The following RGS3 variants were observed in gnomAD, a reference collection of about 807,000 sequenced individuals.
RGS3 encodes regulator of G-protein signalling 3.
Under a neutral mutation model 132.6 loss-of-function variants are expected in RGS3, and 80 were observed. That is an observed-to-expected ratio of 0.60 (90% CI 0.50 to 0.73). The LOEUF (loss-of-function observed/expected upper bound fraction) is 0.73, where lower values mean the gene tolerates loss of function less well. Ranked by LOEUF, RGS3 falls within the 30% of genes least tolerant of loss-of-function variation. RGS3 has a pLI of 0.00. For synonymous variants in RGS3, 598 were observed against 620.6 expected (o/e 0.96, Z 0.54); for missense variants, 1,382 against 1,530.8 (o/e 0.90, Z 1.62).
intron 19 of RGS3, among the ~76,000 whole-genome samples, chr9:113,550,970 A>G (rs1033735267): frequency 3.3e-5 from 5 of 152,198 alleles, no homozygotes; most frequent in African/African-American, 1.2e-4. Flanking sequence ...TTTTATTGAG[A>G]TTTAATTCAA....
intron 19 of RGS3, among the ~76,000 whole-genome samples, chr9:113,553,439 T>A (rs1564562002): frequency 2.5e-4 from 1 of 4,078 alleles, no homozygotes; most frequent in Non-Finnish European, 3.6e-4. Context: ...GGAAACTCTG[T>A]TTAAAAAAAA....
intron 1 of RGS3, among the ~76,000 whole-genome samples, chr9:113,453,119 T>TATATGATTATATAATATACTC (rs1564437622): frequency 1.5e-5 from 2 of 132,694 alleles, no homozygotes; most frequent in African/African-American, 5.7e-5. Context: ...ACATACTCAT[T>TATATGATTATATAATATACTC]ATATGATTAT....
At chr9:113,566,549 C>G (rs927915830) in intron 19 of RGS3, among the ~76,000 whole-genome samples, 2 of 152,186 alleles carry the variant, frequency 1.3e-5, no homozygotes, top group African/African-American at 4.8e-5. Flanking sequence ...AGCAGCAGGT[C>G]TGTGGCTGAG....
At chr9:113,497,227 T>A (rs1830716259) in intron 8 of RGS3, 87 bp from the exon 7 acceptor site, 1 of 1,039,044 alleles carries the variant, frequency 9.6e-7, no homozygotes, top group Non-Finnish European at 1.5e-6. Context: ...GGGTGTCCAG[T>A]GGCTACTTTT....
rs887523251 is a variant in RGS3, at chr9:113,595,345, G to A, written c.3245-254G>A. The A allele has an allele frequency of 1.3e-5, 7 of 556,852 alleles. No individual in the cohort carries two copies. The African/African-American group carries it at 1.3e-4, about 10-fold the overall frequency. 34.5% of individuals were successfully genotyped at this position (556,852 alleles called of 1,614,324 possible). ...TCCCATCGGCTCCTCCCAGGGCTCC[G>A]GGAGACAGAATCGATAGTCCCCATT... is the stretch of plus-strand genomic sequence containing the variant. On this transcript the variant is annotated intron_variant, in intron 23 of 24. Coordinates refer to ENST00000350696, the Ensembl canonical transcript of RGS3.
chr9:113,536,956 G>A lies in RGS3; in HGVS notation c.2037+38G>A, dbSNP rs200408115. ...ACAGTGGCTGTGGCCTGGCTGCCTC[G>A]TTTCCCCTCAGCCAGCCTAGACCCT... On this transcript the variant is annotated intron_variant, in intron 19 of 24. Transcript: ENST00000350696. The A allele has an allele frequency of 7.0e-4, 1,125 of 1,596,586 alleles. 11 individuals carry two copies. The African/African-American group carries it at 0.012, about 18-fold the overall frequency.
At chr9:113,484,098 A>G in intron 5 of RGS3, 40 bp from the exon 4 acceptor site, 8 of 1,267,052 alleles carry the variant, frequency 6.3e-6, no homozygotes, top group Non-Finnish European at 8.1e-6. Flanking sequence ...TAGGTGGGCC[A>G]TGAGATCCGC....
intron 18 of RGS3, among the ~76,000 whole-genome samples, chr9:113,534,046 C>T (rs1832580150): frequency 6.6e-6 from 1 of 152,188 alleles, no homozygotes; most frequent in Admixed American, 6.5e-5. Flanking sequence ...ACTTTTGGGC[C>T]TGAGAGGAAT....
intron 7 of RGS3, among the ~76,000 whole-genome samples, chr9:113,489,326 C>T (rs1358043366): frequency 1.3e-5 from 2 of 152,116 alleles, no homozygotes; most frequent in Non-Finnish European, 1.5e-5. Context: ...ACATAACTTG[C>T]CTAAGGTAAC....
chr9:113,453,144 T>C (rs926354656), intron 1 of RGS3, among the ~76,000 whole-genome samples: 4 of 132,852 alleles, frequency 3.0e-5, no homozygotes, highest in Non-Finnish European at 6.1e-5. Context: ...TATACTCATA[T>C]GATTATATAA....
chr9:113,463,360 C>T lies in RGS3; in HGVS notation c.415+1159C>T, dbSNP rs1474068944. On this transcript the variant is annotated intron_variant, in intron 3 of 24. Coordinates refer to ENST00000350696, the Ensembl canonical transcript of RGS3. The surrounding 1 kb of genome is among the most constrained non-coding windows in gnomAD (Gnocchi z 4.6). ...TTGCTTGGATCTAATGATTATAGGCCTGAGCTTCAAAGCAGGTTATAAACC... is the reference window on the plus strand; with the variant it reads ...TTGCTTGGATCTAATGATTATAGGCTTGAGCTTCAAAGCAGGTTATAAACC... Among the ~76,000 whole-genome samples, 1 of 152,188 alleles carries T rather than the reference C, an allele frequency of 6.6e-6. No individual in the cohort carries two copies. Among genetic ancestry groups the T allele is most frequent in the Non-Finnish European group, 1.5e-5 (1 of 68,040 alleles).
intron 2 of RGS3, chr9:113,461,945 C>T: frequency 6.3e-7 from 1 of 1,592,380 alleles, no homozygotes; most frequent in Non-Finnish European, 8.6e-7. Flanking sequence ...TTTCTAGTTC[C>T]TACTGGGAGT....
intron 14 of RGS3, among the ~76,000 whole-genome samples, chr9:113,508,975 A>G (rs1331314410): frequency 1.3e-5 from 2 of 152,164 alleles, no homozygotes; most frequent in Admixed American, 6.5e-5. Context: ...AGTTCTAGCT[A>G]TATGACTTTG....
chr9:113,535,651 C>CAGCTGGG (rs377264117), intron 18 of RGS3, among the ~76,000 whole-genome samples: 293 of 152,282 alleles, frequency 1.9e-3, no homozygotes, highest in African/African-American at 6.7e-3. Flanking sequence ...GGAAGTGGCA[C>CAGCTGGG]AGCTGGGATT....
At chr9:113,471,663 C>G (rs1353448892) in intron 3 of RGS3, among the ~76,000 whole-genome samples, 1 of 151,900 alleles carries the variant, frequency 6.6e-6, no homozygotes, top group Admixed American at 6.6e-5. Context: ...CCCGCTCTCT[C>G]TCTCCGTCCC....
At chr9:113,585,040 G>A (rs368125883) in intron 20 of RGS3, among the ~76,000 whole-genome samples, 27 of 152,182 alleles carry the variant, frequency 1.8e-4, no homozygotes, top group Non-Finnish European at 2.1e-4. Flanking sequence ...TTTGCCTCTC[G>A]TGAATATTTA....
At chr9:113,551,780 A>G (rs186948441) in intron 19 of RGS3, among the ~76,000 whole-genome samples, 1 of 152,212 alleles carries the variant, frequency 6.6e-6, no homozygotes, top group Non-Finnish European at 1.5e-5. Context: ...AATTGCTTGA[A>G]CCTGGGAGGT....
chr9:113,488,366 G>A (rs1042081827), intron 7 of RGS3, among the ~76,000 whole-genome samples: 43 of 152,210 alleles, frequency 2.8e-4, no homozygotes, highest in Admixed American at 1.4e-3. Flanking sequence ...GGAAGACAGA[G>A]ATATGGGAGC....
chr9:113,536,082 T>G (rs1253880030), intron 18 of RGS3, among the ~76,000 whole-genome samples: 2 of 152,180 alleles, frequency 1.3e-5, no homozygotes, highest in Non-Finnish European at 1.5e-5. Flanking sequence ...AGGAGGGGTT[T>G]GTAGTTTAGT....
Sources: gnomAD v4.1 joint callset for allele counts (sites outside exome capture counted in the v4.1 genomes callset) on GRCh38, gnomAD v4.1.1 for gene constraint, Gnocchi (gnomAD v3.1) non-coding constraint, MANE v1.5 for transcripts, NCBI Gene and HGNC (gene_info 2026-07-23, HGNC 2026-07-21) for gene names.